CASD1: variants seen among roughly 807,000 people sequenced by gnomAD.
CASD1 encodes the protein CAS1 domain sialic acid O acetyltransferase 1.
Under a neutral mutation model 100.0 loss-of-function variants are expected in CASD1, and 41 were observed. The ratio of observed to expected loss-of-function variants is 0.41; its 90% CI spans 0.32 to 0.53. The LOEUF (loss-of-function observed/expected upper bound fraction) is 0.53. CASD1 is among the 20% of genes least tolerant of loss of function. CASD1 has a pLI of 0.25. For missense variants in CASD1, 774 were observed against 948.7 expected, an observed-to-expected ratio of 0.82 and a Z score of 2.42; for synonymous variants, 321 against 315.6, an observed-to-expected ratio of 1.02 and a Z score of -0.18.
intron 1 of CASD1, among the ~76,000 whole-genome samples, chr7:94,516,164 A>C (rs76343511): frequency 6.7e-6 from 1 of 149,490 alleles, no homozygotes; most frequent in Non-Finnish European, 1.5e-5. Context: ...AAAAAAAAAA[A>C]CTGCTCAAGC....
chr7:94,539,097 A>C, intron 10 of CASD1, 41 bp downstream of exon 10: 1 of 1,227,184 alleles, frequency 8.1e-7, no homozygotes, highest in Non-Finnish European at 1.2e-6. Flanking sequence ...ATAGGAAGTG[A>C]TGTCATTTTA....
chr7:94,599,315 A>AT, the CASD1 span: 1 of 290,810 alleles, frequency 3.4e-6, no homozygotes, highest in South Asian at 6.5e-5. Context: ...TGGGGCATTT[A>AT]TAAATACTCA....
chr7:94,568,607 G>A, the CASD1 span, among the ~76,000 whole-genome samples: 1 of 152,126 alleles, frequency 6.6e-6, no homozygotes, highest in Non-Finnish European at 1.5e-5. Flanking sequence ...AGGCATTGAT[G>A]ATAAAAGAAC....
At chr7:94,607,840 T>C in the CASD1 span, among the ~76,000 whole-genome samples, 1 of 152,324 alleles carries the variant, frequency 6.6e-6, no homozygotes. Context: ...AAATACTGTC[T>C]TTCTTTGCAG....
intron 10 of CASD1, 122 bp from the exon 11 acceptor site, chr7:94,544,289 T>C: frequency 8.3e-7 from 1 of 1,201,174 alleles, no homozygotes; most frequent in Middle Eastern, 1.9e-4. Context: ...GAATCAACTT[T>C]GTGATTGAGC....
At chr7:94,582,425 CTTT>C in the CASD1 span, among the ~76,000 whole-genome samples, 1 of 152,126 alleles carries the variant, frequency 6.6e-6, no homozygotes, top group Non-Finnish European at 1.5e-5. Context: ...ACCTGGCCAG[CTTT>C]TTTTCATATG....
In CASD1 at chr7:94,510,127, C is replaced by T. The variant is rs1475052191; in HGVS notation, c.43C>T (p.His15Tyr). ...CAACCTGGGCAAGCGGGAGATCAAC[C>T]ACTACTTCAGCGTGAGGAGCGCCAA... ...AYNLGKREIN[H>Y]YFSVRSAKVL... is the part of the protein sequence containing the mutation. Residue 15 changes from histidine (H) to tyrosine (Y), a missense_variant, in exon 1 of 18, where the codon CAC becomes TAC. Around this residue, in one of 5 missense-constraint regions of CASD1, gnomAD observed 75 missense variants for 60.9 expected, o/e 1.23. Transcript: ENST00000297273. 2 of 1,530,392 alleles carry T rather than the reference C, an allele frequency of 1.3e-6. No individual in the cohort carries two copies. Among genetic ancestry groups the T allele is most frequent in the Non-Finnish European group, 1.8e-6 (2 of 1,137,440 alleles). The allele number at this position is 1,530,392 out of a possible 1,614,324, so 94.8% of individuals were successfully genotyped here.
chr7:94,574,043 G>A, the CASD1 span, among the ~76,000 whole-genome samples: 1 of 152,132 alleles, frequency 6.6e-6, no homozygotes, highest in South Asian at 2.1e-4. Context: ...ATTGATTTGT[G>A]TATGTTGAAC....
At chr7:94,517,028 C>T (rs1024380423) in intron 1 of CASD1, among the ~76,000 whole-genome samples, 1 of 151,946 alleles carries the variant, frequency 6.6e-6, no homozygotes, top group East Asian at 1.9e-4. Flanking sequence ...CTTGGCCTCC[C>T]GAGTAGCTGG....
intron 7 of CASD1, 137 bp from the exon 8 acceptor site, chr7:94,535,172 A>G (rs988600784): frequency 8.0e-6 from 5 of 623,610 alleles, no homozygotes; most frequent in Admixed American, 3.2e-5. Context: ...TTGCGTAAAA[A>G]TGAACTATTA....
At chr7:94,514,338 G>A (rs943562452) in intron 1 of CASD1, among the ~76,000 whole-genome samples, 3 of 152,074 alleles carry the variant, frequency 2.0e-5, no homozygotes, top group Non-Finnish European at 4.4e-5. Context: ...AATCTTAATG[G>A]TGATTTTCAG....
the CASD1 span, among the ~76,000 whole-genome samples, chr7:94,630,207 A>G: frequency 6.6e-6 from 1 of 151,890 alleles, no homozygotes; most frequent in African/African-American, 2.4e-5. Flanking sequence ...GACCAGCTAC[A>G]TAATTGCTAC....
chr7:94,550,701 G>C lies in CASD1; in HGVS notation c.1816-637G>C, dbSNP rs117341152. ...TGGGGTCTTTTTTTTTAAAGGGCAT[G>C]AATCCCATTCATGAAGGCTCTGACC... is the stretch of plus-strand genomic sequence containing the variant. On this transcript the variant is annotated intron_variant, in intron 14 of 17. Coordinates refer to ENST00000297273, the MANE Select transcript of CASD1 (RefSeq NM_022900.5). 1.1e-3 allele frequency among the ~76,000 whole-genome samples: 166 copies of C among 152,050 alleles called. 1 individual carries two copies. In the East Asian group the frequency reaches 0.014, roughly 13 times the overall value.
chr7:94,621,609 A>G, the CASD1 span: 1 of 152,174 alleles, frequency 6.6e-6, no homozygotes, highest in South Asian at 2.1e-4. Context: ...AGGGACTCTC[A>G]CACCTGACAG....
At chr7:94,597,877 G>A in the CASD1 span, 1 of 153,310 alleles carries the variant, frequency 6.5e-6, no homozygotes, top group Non-Finnish European at 1.4e-5. Context: ...CATGGGGGCA[G>A]GTGCGTATAA....
At chr7:94,623,856 A>G in the CASD1 span, 47 of 354,034 alleles carry the variant, frequency 1.3e-4, no homozygotes, top group East Asian at 9.9e-4. Context: ...CTGCACCCCA[A>G]TCAGTCAAAA....
chr7:94,533,250 G>A lies in CASD1; in HGVS notation c.504+1G>A. The A allele has an allele frequency of 1.2e-6, 2 of 1,608,172 alleles. No homozygotes were observed. The highest frequency in any genetic ancestry group is 1.1e-5 in the South Asian group (1 of 90,514). ...TGTGATTGTAGCAGGAGCTGCCACAGTAAGTTATCATCTGTATTCTTACTT... is the reference window on the plus strand; with the variant it reads ...TGTGATTGTAGCAGGAGCTGCCACAATAAGTTATCATCTGTATTCTTACTT... On this transcript the variant is annotated splice_donor_variant, in intron 6 of 17. Coordinates refer to ENST00000297273, the MANE Select transcript of CASD1 (RefSeq NM_022900.5). LOFTEE classifies it high-confidence loss of function.
intron 7 of CASD1, among the ~76,000 whole-genome samples, chr7:94,534,159 ATTTTTTTTT>A (rs56864121): frequency 9.9e-6 from 1 of 100,538 alleles, no homozygotes; most frequent in African/African-American, 3.9e-5. Context: ...CTGTTTCATA[ATTTTTTTTT>A]TTTTTTTTTT....
chr7:94,588,626 A>G, the CASD1 span: 2 of 1,555,812 alleles, frequency 1.3e-6, no homozygotes, highest in South Asian at 1.1e-5. Flanking sequence ...ATATAGTGCC[A>G]TAATTATCTT....
Sources: gnomAD v4.1 joint callset for allele counts (sites outside exome capture counted in the v4.1 genomes callset) on GRCh38, gnomAD v4.1.1 for gene constraint, gnomAD v4.1.1 regional missense constraint, MANE v1.5 for transcripts, NCBI Gene and HGNC (gene_info 2026-07-23, HGNC 2026-07-21) for gene names.